FLRT2: variants seen among roughly 807,000 people sequenced by gnomAD.
FLRT2 encodes fibronectin leucine rich transmembrane protein 2.
In FLRT2, 15 loss-of-function variants were observed where a neutral mutation model predicts 40.0. The observed-to-expected ratio is 0.38, with a 90% CI of 0.25 to 0.58. The LOEUF (loss-of-function observed/expected upper bound fraction) is 0.58. Ranked by LOEUF, FLRT2 falls within the 20% of genes least tolerant of loss-of-function variation. The probability of loss-of-function intolerance (pLI) is 0.71; values close to 1 mark genes in which losing one functional copy is unlikely to be tolerated. For synonymous variants in FLRT2, 380 were observed against 336.8 expected (o/e 1.13, Z -1.41); for missense variants, 726 against 840.0 (o/e 0.86, Z 1.68).
chr14:85,621,189 T>C lies in FLRT2; in HGVS notation c.-326T>C. ...GTTCGTAGGCTAATCAAGGCTGGCT[T>C]GACCTACAAAAGAAGAAGAGAGTTC... On this transcript the variant is annotated 5_prime_UTR_variant, in exon 2 of 2. Transcript: ENST00000330753. 2.8e-6 allele frequency: 1 copy of C among 353,768 alleles called. No homozygotes were observed. Among genetic ancestry groups the C allele is most frequent in the Non-Finnish European group, 5.1e-6 (1 of 195,758 alleles). The allele number at this position is 353,768 out of a possible 1,614,324, so 21.9% of individuals were successfully genotyped here.
intron 1 of FLRT2, among the ~76,000 whole-genome samples, chr14:85,609,761 C>A (rs571952450): frequency 1.1e-4 from 16 of 152,348 alleles, no homozygotes; most frequent in African/African-American, 3.6e-4. Flanking sequence ...TCAGGTGAGA[C>A]AGGGTCACCT....
rs1468521829 is a variant in FLRT2 at position 85,654,318 on chromosome 14, G to C, written c.*30821G>C. On this transcript the variant is annotated 3_prime_UTR_variant, in exon 2 of 2. Coordinates refer to ENST00000330753, the MANE Select transcript of FLRT2 (RefSeq NM_013231.6). ...TGACAACTTGAAGAAAGTACATAAA[G>C]TACAAAATAAAAGTTACCCATATTC... 3 of 151,906 alleles carry C rather than the reference G, an allele frequency of 2.0e-5. No individual in the cohort carries two copies. In the East Asian group the frequency reaches 5.8e-4, roughly 29 times the overall value. 9.4% of individuals were successfully genotyped at this position (151,906 alleles called of 1,614,324 possible). A position where few individuals can be genotyped will look rare whatever the true frequency, so the allele number is the denominator to read the frequency against.
intron 1 of FLRT2, among the ~76,000 whole-genome samples, chr14:85,571,897 G>A (rs1264633842): frequency 6.6e-6 from 1 of 152,156 alleles, no homozygotes; most frequent in Non-Finnish European, 1.5e-5. Flanking sequence ...ATGGGATAGT[G>A]CCAGTTTACT....
chr14:85,578,175 T>G, intron 1 of FLRT2, among the ~76,000 whole-genome samples: 1 of 135,852 alleles, frequency 7.4e-6, no homozygotes, highest in East Asian at 2.1e-4. Flanking sequence ...TATATAAAAA[T>G]ATCTTTATAT....
Position 85,624,923 on chromosome 14 carries a change from T to C in FLRT2, c.*1426T>C, listed in dbSNP as rs1188079238. ...CACTTTTGAAATTTTATTTGTTCCT[T>C]TTCCATCGTGGATGTTCCTCTACTT... On this transcript the variant is annotated 3_prime_UTR_variant, in exon 2 of 2. Transcript: ENST00000330753. 6.0e-6 allele frequency: 1 copy of C among 167,094 alleles called. No individual in the cohort carries two copies. Among genetic ancestry groups the C allele is most frequent in the African/African-American group, 2.4e-5 (1 of 41,468 alleles). The allele number at this position is 167,094 out of a possible 1,614,324, so 10.4% of individuals were successfully genotyped here. A position where few individuals can be genotyped will look rare whatever the true frequency, so the allele number is the denominator to read the frequency against.
intron 1 of FLRT2, among the ~76,000 whole-genome samples, chr14:85,553,627 C>G (rs922174603): frequency 2.0e-5 from 3 of 152,006 alleles, no homozygotes; most frequent in Admixed American, 6.6e-5. Context: ...ATCGCCAGAT[C>G]CAAGCACTGA....
Position 85,616,317 on chromosome 14 carries a change from A to G in FLRT2, c.-376-4822A>G, listed in dbSNP as rs538284269. Among the ~76,000 whole-genome samples, 3 of 129,918 alleles carry G rather than the reference A, an allele frequency of 2.3e-5. No homozygotes were observed. In the East Asian group the frequency reaches 5.9e-4, roughly 26 times the overall value. The allele number at this position is 129,918 out of a possible 152,430, so 85.2% of individuals were successfully genotyped here. A position where few individuals can be genotyped will look rare whatever the true frequency, so the allele number is the denominator to read the frequency against. On this transcript the variant is annotated intron_variant, in intron 1 of 1. Transcript: ENST00000330753. ...TCACACAAACAGGGAAATATTTAAA[A>G]GACAAAAAAAAAAAAAACCCTTTTC...
chr14:85,546,388 A>G (rs1178260293), intron 1 of FLRT2, among the ~76,000 whole-genome samples: 1 of 152,126 alleles, frequency 6.6e-6, no homozygotes, highest in Non-Finnish European at 1.5e-5. Context: ...TTATCTGTCA[A>G]GAGGGGACTG....
At chr14:85,616,743 T>C (rs962921245) in intron 1 of FLRT2, among the ~76,000 whole-genome samples, 1 of 152,312 alleles carries the variant, frequency 6.6e-6, no homozygotes, top group Non-Finnish European at 1.5e-5. Context: ...GGTTAAGAAC[T>C]CTTTACATAG....
chr14:85,622,177 C>G lies in FLRT2; in HGVS notation c.663C>G (p.Ile221Met), dbSNP rs17646348. 1.2e-6 allele frequency: 2 copies of G among 1,614,108 alleles called. No homozygotes were observed. The highest frequency in any genetic ancestry group is 1.7e-6 in the Non-Finnish European group (2 of 1,180,012). ...VDGNLLTNKGIAEGTFSHLTK... is the reference protein window; with the variant it reads ...VDGNLLTNKGMAEGTFSHLTK... ...GGAACCTCCTGACCAACAAGGGTATCGCCGAGGGCACCTTCAGCCATCTCA... is the reference window on the plus strand; with the variant it reads ...GGAACCTCCTGACCAACAAGGGTATGGCCGAGGGCACCTTCAGCCATCTCA... The change falls in exon 2 of 2, where the codon ATC becomes ATG. Residue 221 changes from isoleucine (I) to methionine (M), a missense_variant. Transcript: ENST00000330753.
rs1893601421 is a variant in FLRT2, at chr14:85,624,781, A to T, written c.*1284A>T. On this transcript the variant is annotated 3_prime_UTR_variant, in exon 2 of 2. Transcript: ENST00000330753. ...TTACGTACTTATACATTTTAAAATG[A>T]GTACTAATTTTCACTGCTAATAATT... The T allele has an allele frequency of 6.0e-6, 1 of 167,040 alleles. No homozygotes were observed. The highest frequency in any genetic ancestry group is 1.5e-5 in the Non-Finnish European group (1 of 68,116). The allele number at this position is 167,040 out of a possible 1,614,324, so 10.3% of individuals were successfully genotyped here. A position where few individuals can be genotyped will look rare whatever the true frequency, so the allele number is the denominator to read the frequency against.
intron 1 of FLRT2, among the ~76,000 whole-genome samples, chr14:85,620,294 G>A (rs762030813): frequency 1.3e-5 from 2 of 151,594 alleles, no homozygotes; most frequent in Non-Finnish European, 2.9e-5. Flanking sequence ...GTGGTAATGT[G>A]GTCATGACAT....
chr14:85,571,166 T>TAAA (rs2139861350), intron 1 of FLRT2, among the ~76,000 whole-genome samples: 1 of 152,278 alleles, frequency 6.6e-6, no homozygotes, highest in East Asian at 1.9e-4. Context: ...CAGCCCTGGA[T>TAAA]GATATCTGTG....
intron 1 of FLRT2, among the ~76,000 whole-genome samples, chr14:85,558,163 T>C (rs866486336): frequency 6.6e-6 from 1 of 152,270 alleles, no homozygotes; most frequent in East Asian, 1.9e-4. Context: ...GGAATATATG[T>C]GCATGTGCAT....
rs546516029 is a variant in FLRT2, at chr14:85,611,210, G to A, written c.-376-9929G>A. Reference sequence around the variant, plus strand: ...TTCTAAACATAGCACCTTCCTGACTGTAGGGACTTTATCTGTCTTGCTCAC... The same window carrying A: ...TTCTAAACATAGCACCTTCCTGACTATAGGGACTTTATCTGTCTTGCTCAC... On this transcript the variant is annotated intron_variant, in intron 1 of 1. Coordinates refer to ENST00000330753, the MANE Select transcript of FLRT2 (RefSeq NM_013231.6). Among the ~76,000 whole-genome samples the A allele has an allele frequency of 2.6e-3, 389 of 152,156 alleles. 1 individual carries two copies. The highest frequency in any genetic ancestry group is 4.3e-3 in the Non-Finnish European group (293 of 68,018).
Position 85,637,743 on chromosome 14 carries a change from G to A in FLRT2, c.*14246G>A, listed in dbSNP as rs1594975816. On this transcript the variant is annotated 3_prime_UTR_variant, in exon 2 of 2. Transcript: ENST00000330753. Reference sequence around the variant, plus strand: ...AGGCTCATCTATCACTTGTCTTAAAGGAAGATTTGAAACATAATAGTTTCC... The same window carrying A: ...AGGCTCATCTATCACTTGTCTTAAAAGAAGATTTGAAACATAATAGTTTCC... The A allele has an allele frequency of 6.6e-6, 1 of 152,194 alleles. No homozygotes were observed. Among genetic ancestry groups the A allele is most frequent in the Admixed American group, 6.5e-5 (1 of 15,272 alleles). The allele number at this position is 152,194 out of a possible 1,614,324, so 9.4% of individuals were successfully genotyped here. A position where few individuals can be genotyped will look rare whatever the true frequency, so the allele number is the denominator to read the frequency against.
rs2139389364 is a variant in FLRT2 at position 85,634,250 on chromosome 14, A to C, written c.*10753A>C. 6.6e-6 allele frequency: 1 copy of C among 152,318 alleles called. No homozygotes were observed. The highest frequency in any genetic ancestry group is 6.5e-5 in the Admixed American group (1 of 15,296). The allele number at this position is 152,318 out of a possible 1,614,324, so 9.4% of individuals were successfully genotyped here. On this transcript the variant is annotated 3_prime_UTR_variant, in exon 2 of 2. Coordinates refer to ENST00000330753, the MANE Select transcript of FLRT2 (RefSeq NM_013231.6). ...GATGAGGGGGGAAATATACTTTTTC[A>C]GTCCTTGACTGCATGATTTAATTGG...
At chr14:85,578,144 A>ATATATATAAAAATATCTT (rs960191708) in intron 1 of FLRT2, among the ~76,000 whole-genome samples, 5 of 146,066 alleles carry the variant, frequency 3.4e-5, no homozygotes, top group Admixed American at 6.9e-5. Context: ...ATATATATTT[A>ATATATATAAAAATATCTT]TATATATAAA....
At position 85,621,885 on chromosome 14, in the gene FLRT2, T is replaced by C; in HGVS notation, c.371T>C (p.Ile124Thr). 1 of 1,608,908 alleles carries C rather than the reference T, an allele frequency of 6.2e-7. No homozygotes were observed. The highest frequency in any genetic ancestry group is 8.5e-7 in the Non-Finnish European group (1 of 1,176,774). The change falls in exon 2 of 2, where the codon ATT (isoleucine) becomes ACT (threonine). Residue 124 changes from isoleucine (I) to threonine (T), a missense_variant. This residue lies in a region of FLRT2 where 9 missense variants were observed against 28.8 expected (regional missense o/e 0.31). Coordinates refer to ENST00000330753, the MANE Select transcript of FLRT2 (RefSeq NM_013231.6). ...TTGCAGGAAAACAATATTCAGACCA[T>C]TTCACGGGCTGCTCTTGCCCAGCTC... The part of the protein sequence containing the change: ...LHLQENNIQT[I>T]SRAALAQLLK...
Sources: gnomAD v4.1 joint callset for allele counts (sites outside exome capture counted in the v4.1 genomes callset) on GRCh38, gnomAD v4.1.1 for gene constraint, gnomAD v4.1.1 regional missense constraint, MANE v1.5 for transcripts, NCBI Gene and HGNC (gene_info 2026-07-23, HGNC 2026-07-21) for gene names.